CHCHD3: variants seen among roughly 807,000 people sequenced by gnomAD.
The protein encoded by CHCHD3 is MICOS complex subunit MIC19.
A neutral mutation model predicts 38.2 loss-of-function variants in CHCHD3; 20 were observed. That is an observed-to-expected ratio of 0.52 (90% confidence interval 0.37 to 0.76). CHCHD3 has a LOEUF of 0.76. Ranked by LOEUF, CHCHD3 falls within the 30% of genes least tolerant of loss-of-function variation. The pLI, the probability that CHCHD3 is intolerant of heterozygous loss-of-function variation, is 0.00. For synonymous variants in CHCHD3, 82 were observed against 100.0 expected, an observed-to-expected ratio of 0.82 and a Z score of 1.07; for missense variants, 245 against 279.2, an observed-to-expected ratio of 0.88 and a Z score of 0.87.
chr7:133,037,385 A>T (rs867782157), intron 2 of CHCHD3, among the ~76,000 whole-genome samples: 1 of 152,206 alleles, frequency 6.6e-6, no homozygotes, highest in Non-Finnish European at 1.5e-5. Flanking sequence ...TGCTAACATT[A>T]AAAAACATGC....
intron 4 of CHCHD3, among the ~76,000 whole-genome samples, chr7:132,968,950 T>G (rs1340215259): frequency 6.6e-6 from 1 of 152,188 alleles, no homozygotes; most frequent in East Asian, 1.9e-4. Flanking sequence ...ACCATGAAAT[T>G]TCAACTGTCA....
intron 3 of CHCHD3, among the ~76,000 whole-genome samples, chr7:132,995,816 A>G (rs890345056): frequency 6.6e-6 from 1 of 152,228 alleles, no homozygotes; most frequent in East Asian, 1.9e-4. Context: ...CATACAAATT[A>G]TACCATTTAA....
At chr7:132,974,883 A>C (rs1811720363) in intron 4 of CHCHD3, among the ~76,000 whole-genome samples, 1 of 152,160 alleles carries the variant, frequency 6.6e-6, no homozygotes, top group African/African-American at 2.4e-5. Context: ...CAAAAAAAAA[A>C]AGGAAAGAAA....
chr7:133,019,268 C>A (rs1392022033), intron 3 of CHCHD3, among the ~76,000 whole-genome samples: 1 of 152,068 alleles, frequency 6.6e-6, no homozygotes, highest in African/African-American at 2.4e-5. Flanking sequence ...CTCCTTTTTT[C>A]TGCTTTTTCT....
chr7:132,823,368 A>T (rs1249845319), intron 6 of CHCHD3, among the ~76,000 whole-genome samples: 2 of 152,218 alleles, frequency 1.3e-5, no homozygotes, highest in Non-Finnish European at 2.9e-5. Context: ...ATAAAGTTTA[A>T]TTTATAACTT....
At chr7:132,945,744 A>C (rs1282378667) in intron 4 of CHCHD3, among the ~76,000 whole-genome samples, 2 of 151,956 alleles carry the variant, frequency 1.3e-5, no homozygotes, top group African/African-American at 2.4e-5. Context: ...CTTGAAGCTC[A>C]ACTAAAATGT....
intron 3 of CHCHD3, among the ~76,000 whole-genome samples, chr7:132,999,653 A>G: frequency 6.6e-6 from 1 of 152,286 alleles, no homozygotes; most frequent in South Asian, 2.1e-4. Context: ...AGAAAAGGAA[A>G]TTGTCAGTGA....
intron 4 of CHCHD3, among the ~76,000 whole-genome samples, chr7:132,945,585 T>G (rs968227646): frequency 7.2e-5 from 11 of 151,922 alleles, no homozygotes; most frequent in African/African-American, 2.7e-4. Context: ...AAGAGGGGTC[T>G]GAAGAAAACA....
At chr7:132,911,237 A>G (rs145475851) in intron 4 of CHCHD3, among the ~76,000 whole-genome samples, 8 of 152,154 alleles carry the variant, frequency 5.3e-5, no homozygotes, top group African/African-American at 1.9e-4. Context: ...AACTAATAGG[A>G]ACAATATGGG....
chr7:132,870,168 T>C (rs1446395942), intron 5 of CHCHD3, among the ~76,000 whole-genome samples: 1 of 151,792 alleles, frequency 6.6e-6, no homozygotes, highest in African/African-American at 2.4e-5. Context: ...TTGGGCAACG[T>C]GGCAAAACCC....
At chr7:132,976,209 T>C (rs1811764545) in intron 3 of CHCHD3, among the ~76,000 whole-genome samples, 1 of 130,304 alleles carries the variant, frequency 7.7e-6, no homozygotes, top group Non-Finnish European at 1.8e-5. Flanking sequence ...GCCTTTCAAC[T>C]GCAGGGCTCC....
intron 6 of CHCHD3, among the ~76,000 whole-genome samples, chr7:132,805,951 A>C (rs183153268): frequency 7.2e-5 from 11 of 152,324 alleles, no homozygotes; most frequent in Admixed American, 2.0e-4. Flanking sequence ...CCACGATCTA[A>C]AGCGTGGAGT....
chr7:132,953,471 C>T (rs1203293720), intron 4 of CHCHD3, among the ~76,000 whole-genome samples: 2 of 152,124 alleles, frequency 1.3e-5, no homozygotes, highest in Admixed American at 1.3e-4. Flanking sequence ...CAGCATGGGA[C>T]CAAATTGCCA....
At chr7:132,929,188 T>G (rs949376275) in intron 4 of CHCHD3, among the ~76,000 whole-genome samples, 2 of 152,248 alleles carry the variant, frequency 1.3e-5, no homozygotes, top group Non-Finnish European at 1.5e-5. Context: ...CACTATTTTT[T>G]ATTATGTATG....
intron 4 of CHCHD3, among the ~76,000 whole-genome samples, chr7:132,934,903 C>T (rs1425560788): frequency 6.6e-6 from 1 of 152,120 alleles, no homozygotes; most frequent in African/African-American, 2.4e-5. Flanking sequence ...TACTATCTCC[C>T]GCACAATATG....
intron 5 of CHCHD3, among the ~76,000 whole-genome samples, chr7:132,885,375 T>A (rs1647822035): frequency 6.6e-6 from 1 of 152,240 alleles, no homozygotes; most frequent in South Asian, 2.1e-4. Flanking sequence ...AGCAGTGTAC[T>A]GTCTGACCTG....
rs537679747 is a variant in CHCHD3, at chr7:133,035,159, C to T, written c.170-10532G>A. On this transcript the variant is annotated intron_variant, in intron 2 of 7. Transcript: ENST00000262570. This position sits in a 1 kb window ranked among gnomAD's most constrained non-coding sequence, Gnocchi z 4.7. ...TCTCCTCCTCAGGAGCAGGGGCAGC[C>T]GCCTTTTTCTCCTCCTTCCGCTCAG... 58 of 1,613,738 alleles carry T rather than the reference C, an allele frequency of 3.6e-5. 1 individual carries two copies. The South Asian group carries it at 5.5e-4, about 15-fold the overall frequency.
At chr7:133,003,418 A>G (rs1260200372) in intron 3 of CHCHD3, among the ~76,000 whole-genome samples, 1 of 152,198 alleles carries the variant, frequency 6.6e-6, no homozygotes, top group African/African-American at 2.4e-5. Flanking sequence ...AAGATAGACA[A>G]CTAGTTTTAA....
chr7:132,956,530 T>C (rs1205250109), intron 4 of CHCHD3, among the ~76,000 whole-genome samples: 2 of 152,208 alleles, frequency 1.3e-5, no homozygotes, highest in Non-Finnish European at 1.5e-5. Flanking sequence ...AAGTTATAAA[T>C]TGTAAAAGCT....
Sources: gnomAD v4.1 joint callset for allele counts (sites outside exome capture counted in the v4.1 genomes callset) on GRCh38, gnomAD v4.1.1 for gene constraint, Gnocchi (gnomAD v3.1) non-coding constraint, MANE v1.5 for transcripts, NCBI Gene and HGNC (gene_info 2026-07-23, HGNC 2026-07-21) for gene names.